DHX37: variants seen among roughly 807,000 people sequenced by gnomAD.
The protein encoded by DHX37 is probable ATP-dependent RNA helicase DHX37.
DHX37 carries 52 observed loss-of-function variants against 134.3 expected under a neutral mutation model. The observed-to-expected ratio is 0.39, with a 90% CI of 0.31 to 0.49. DHX37 has a LOEUF of 0.49. Ranked by LOEUF, DHX37 falls within the 20% of genes least tolerant of loss-of-function variation. DHX37 has a pLI of 0.93. For synonymous variants in DHX37, 634 were observed against 670.7 expected (o/e 0.95, Z 0.85); for missense variants, 1,344 against 1,580.8 (o/e 0.85, Z 2.54).
intron 26 of DHX37, 72 bp downstream of exon 26, chr12:124,948,012 A>G (rs1953906888): frequency 6.2e-7 from 1 of 1,613,770 alleles, no homozygotes; most frequent in South Asian, 1.1e-5. Flanking sequence ...CTGACCGTGC[A>G]CAAAGCACAA....
rs1037207097 is a variant in DHX37 at position 124,950,502 on chromosome 12, T to C, written c.3032A>G (p.Tyr1011Cys). 2 of 1,569,466 alleles carry C rather than the reference T, an allele frequency of 1.3e-6. No individual in the cohort carries two copies. The highest frequency in any genetic ancestry group is 2.7e-5 in the African/African-American group (2 of 73,340). ...CTCCAGGGGCTTGTCAAACTGGCAGTAAGAGGGCAGCAGGGCCGGGATCCA... is the reference window on the plus strand; with the variant it reads ...CTCCAGGGGCTTGTCAAACTGGCAGCAAGAGGGCAGCAGGGCCGGGATCCA... ...VQWIPALLPS[Y>C]CQFDKPLEEP... is the part of the protein sequence containing the mutation. Residue 1011 changes from tyrosine to cysteine, a missense_variant, in exon 23 of 27, where the codon TAC (tyrosine) becomes TGC (cysteine). Around this residue, in one of 7 missense-constraint regions of DHX37, gnomAD observed 558 missense variants for 650.0 expected, o/e 0.86. Coordinates refer to ENST00000308736, the MANE Select transcript of DHX37 (RefSeq NM_032656.4).
rs1424699115 is a variant in DHX37, at chr12:124,971,348, T to C, written c.1145A>G (p.Asp382Gly). The change falls in exon 8 of 27, where the codon GAC (aspartate) becomes GGC (glycine). Residue 382 changes from aspartate (D) to glycine (G), a missense_variant. Physicochemically the swap from Asp to Gly is moderately conservative, Grantham distance 94. This residue lies in a region of DHX37 where 30 missense variants were observed against 72.5 expected (regional missense o/e 0.41). Transcript: ENST00000308736. The stretch of plus-strand genomic sequence containing the variant: ...GCGGGACAGGAGGCCGATGAGGATG[T>C]CCGTGTACACGCTCCTCTCGTGGGC... ...DEAHERSVYTDILIGLLSRIV... is the reference protein window; with the variant it reads ...DEAHERSVYTGILIGLLSRIV... 3 of 1,613,334 alleles carry C rather than the reference T, an allele frequency of 1.9e-6. No individual in the cohort carries two copies. Among genetic ancestry groups the C allele is most frequent in the South Asian group, 2.2e-5 (2 of 91,056 alleles).
At chr12:124,967,286 T>C in intron 10 of DHX37, 68 bp from the exon 11 acceptor site, 1 of 1,522,968 alleles carries the variant, frequency 6.6e-7, no homozygotes, top group Non-Finnish European at 8.9e-7. Flanking sequence ...CAAAAGCACC[T>C]GCCAAGCCAT....
rs750988985 is a variant in DHX37 at position 124,989,035 on chromosome 12, A to G, written c.-13T>C. On this transcript the variant is annotated 5_prime_UTR_variant, in exon 1 of 27. Coordinates refer to ENST00000308736, the MANE Select transcript of DHX37 (RefSeq NM_032656.4). ...GCAGCTTCCCCATGGCGACTAGGCC[A>G]GGGTGGGCGCTCCAGCGGCCGGACC... 2.2e-6 allele frequency: 3 copies of G among 1,350,960 alleles called. No homozygotes were observed. The highest frequency in any genetic ancestry group is 2.9e-5 in the East Asian group (1 of 34,946). 83.7% of individuals were successfully genotyped at this position (1,350,960 alleles called of 1,614,324 possible).
At position 124,982,638 on chromosome 12, in the gene DHX37, G is replaced by GA; in HGVS notation, c.277-16dup. On this transcript the variant is annotated splice_polypyrimidine_tract_variant and intron_variant, in intron 2 of 26. Transcript: ENST00000308736. ...ATCTCTGCTCGCTGGGAAAGGAAACGAGTGTATTATGCATTTGCCATCACG... is the reference window on the plus strand; with the variant it reads ...ATCTCTGCTCGCTGGGAAAGGAAACGAAGTGTATTATGCATTTGCCATCACG... 1 of 1,611,842 alleles carries GA rather than the reference G, an allele frequency of 6.2e-7. No individual in the cohort carries two copies. The highest frequency in any genetic ancestry group is 8.5e-7 in the Non-Finnish European group (1 of 1,178,736).
At chr12:124,957,272 G>A (rs2075403029) in intron 16 of DHX37, 137 bp from the exon 17 acceptor site, 1 of 693,504 alleles carries the variant, frequency 1.4e-6, no homozygotes, top group Non-Finnish European at 2.1e-6. Flanking sequence ...ACAGGGGCCT[G>A]GGGCACTCTC....
intron 2 of DHX37, among the ~76,000 whole-genome samples, chr12:124,984,426 G>A (rs1268577766): frequency 1.3e-5 from 2 of 152,050 alleles, no homozygotes; most frequent in East Asian, 1.9e-4. Flanking sequence ...CCAGCTACTC[G>A]GGAGGCTGAG....
intron 5 of DHX37, among the ~76,000 whole-genome samples, chr12:124,976,449 C>T (rs1278413918): frequency 1.3e-5 from 2 of 152,280 alleles, no homozygotes; most frequent in African/African-American, 2.4e-5. Context: ...GGGTGGCTCA[C>T]GCCTGTAATC....
In DHX37 at chr12:124,964,955, A is replaced by G; in HGVS notation, c.1787T>C (p.Leu596Pro). Residue 596 changes from leucine (L) to proline (P), a missense_variant, in exon 14 of 27, where the codon CTG (leucine) becomes CCG (proline). This residue lies in a region of DHX37 where 289 missense variants were observed against 323.8 expected (regional missense o/e 0.89). Coordinates refer to ENST00000308736, the MANE Select transcript of DHX37 (RefSeq NM_032656.4). The part of the protein sequence containing the change: ...LPLHVLPLYS[L>P]LAPEKQAQVF... ...CTGTGCTTGCTTCTCTGGGGCCAGCAGAGAGTACAGCGGGAGCACGTGGAG... is the reference window on the plus strand; with the variant it reads ...CTGTGCTTGCTTCTCTGGGGCCAGCGGAGAGTACAGCGGGAGCACGTGGAG... The G allele has an allele frequency of 6.3e-7, 1 of 1,598,086 alleles. No individual in the cohort carries two copies. Among genetic ancestry groups the G allele is most frequent in the East Asian group, 2.3e-5 (1 of 44,270 alleles).
At chr12:124,948,041 C>A (rs761054860) in intron 26 of DHX37, 43 bp downstream of exon 26, 5 of 1,614,196 alleles carry the variant, frequency 3.1e-6, no homozygotes, top group Admixed American at 1.7e-5. Flanking sequence ...CCTCAGTGAC[C>A]CCATCCTGTC....
Position 124,947,813 on chromosome 12 carries a change from T to A in DHX37, c.3463A>T (p.Thr1155Ser), listed in dbSNP as rs201693216. 2.5e-6 allele frequency: 4 copies of A among 1,587,120 alleles called. No homozygotes were observed. The highest frequency in any genetic ancestry group is 3.4e-4 in the Middle Eastern group (2 of 5,856). ...PDIEKAWPPTTVH is the reference protein window; with the variant it reads ...PDIEKAWPPTSVH ...AGCCAGGTTTCTGGTCAGTGGACAGTGGTGGGGGGCCAGGCTTTCTCGATA... is the reference window on the plus strand; with the variant it reads ...AGCCAGGTTTCTGGTCAGTGGACAGAGGTGGGGGGCCAGGCTTTCTCGATA... The change falls in exon 27 of 27, where the codon ACT (threonine) becomes TCT (serine). Residue 1155 changes from threonine (T) to serine (S), a missense_variant. Around this residue, in one of 7 missense-constraint regions of DHX37, gnomAD observed 558 missense variants for 650.0 expected, o/e 0.86. Transcript: ENST00000308736.
intron 8 of DHX37, among the ~76,000 whole-genome samples, chr12:124,970,379 G>A (rs1954490276): frequency 6.6e-6 from 1 of 152,188 alleles, no homozygotes; most frequent in Admixed American, 6.5e-5. Flanking sequence ...TTGAACAGAT[G>A]AATGATATGA....
Position 124,977,323 on chromosome 12 carries a change from C to A in DHX37, c.887+19G>T, listed in dbSNP as rs751170308. The A allele has an allele frequency of 1.3e-6, 2 of 1,509,436 alleles. No homozygotes were observed. Among genetic ancestry groups the A allele is most frequent in the Admixed American group, 2.3e-5 (1 of 43,074 alleles). 93.5% of individuals were successfully genotyped at this position (1,509,436 alleles called of 1,614,324 possible). A position where few individuals can be genotyped will look rare whatever the true frequency, so the allele number is the denominator to read the frequency against. ...GTGTCACTGAGGGACCCAGAGAGAA[C>A]CCTGTGTCCAGCCCCTACCTGCTGA... On this transcript the variant is annotated intron_variant, in intron 5 of 26. Transcript: ENST00000308736.
chr12:124,952,718 C>A, intron 20 of DHX37, 148 bp from the exon 21 acceptor site: 2 of 731,356 alleles, frequency 2.7e-6, no homozygotes, highest in Non-Finnish European at 3.9e-6. Context: ...CCAGCAGGAC[C>A]CAAAGCCCCC....
chr12:124,985,959 G>A, intron 2 of DHX37, 137 bp downstream of exon 2: 1 of 1,046,878 alleles, frequency 9.6e-7, no homozygotes, highest in Non-Finnish European at 1.4e-6. Context: ...CTACCGCACT[G>A]GACCATGCAC....
At chr12:124,952,313 C>T in intron 21 of DHX37, 85 bp downstream of exon 21, 9 of 1,413,316 alleles carry the variant, frequency 6.4e-6, no homozygotes, top group South Asian at 2.8e-5. Flanking sequence ...AGGGAACAAG[C>T]CTCCCCAGAC....
rs766198958 is a variant in DHX37 at position 124,960,439 on chromosome 12, C to T, written c.2046-16G>A. Reference sequence around the variant, plus strand: ...TGAATACAGCCTGGATGGAGAGAAACCGGGACAACAAACACAAAACTCACA... The same window carrying T: ...TGAATACAGCCTGGATGGAGAGAAATCGGGACAACAAACACAAAACTCACA... On this transcript the variant is annotated splice_polypyrimidine_tract_variant and intron_variant, in intron 15 of 26. Coordinates refer to ENST00000308736, the MANE Select transcript of DHX37 (RefSeq NM_032656.4). 2 of 1,604,466 alleles carry T rather than the reference C, an allele frequency of 1.2e-6. No individual in the cohort carries two copies. Among genetic ancestry groups the T allele is most frequent in the African/African-American group, 1.3e-5 (1 of 74,678 alleles).
At chr12:124,984,130 C>A (rs1479299699) in intron 2 of DHX37, among the ~76,000 whole-genome samples, 1 of 152,232 alleles carries the variant, frequency 6.6e-6, no homozygotes, top group Non-Finnish European at 1.5e-5. Context: ...TGCCAAATGT[C>A]CCTGGGGCAG....
chr12:124,967,307 G>T (rs1213745702), intron 10 of DHX37, 89 bp from the exon 11 acceptor site: 6 of 1,425,206 alleles, frequency 4.2e-6, no homozygotes, highest in Non-Finnish European at 5.8e-6. Context: ...GCTCTGAGAG[G>T]CAAGGTTCCA....
Sources: allele counts gnomAD v4.1 joint callset (sites outside exome capture counted in the v4.1 genomes callset), GRCh38; gene constraint gnomAD v4.1.1; regional missense constraint gnomAD v4.1.1; transcripts MANE v1.5; gene names NCBI Gene and HGNC (gene_info 2026-07-23, HGNC 2026-07-21).